Variants in UGT8 observed in about 807,000 individuals in gnomAD.
The protein encoded by UGT8 is UDP glycosyltransferase 8.
Under a neutral mutation model 40.5 loss-of-function variants are expected in UGT8, and 12 were observed. That is an observed-to-expected ratio of 0.30 (90% CI 0.19 to 0.48). The LOEUF is 0.48. Among genes scored for constraint, UGT8 ranks in the 20% least tolerant of loss-of-function variants. The pLI is 0.99. For missense variants in UGT8, 513 were observed against 648.7 expected (o/e 0.79, Z 2.27); for synonymous variants, 224 against 240.4 (o/e 0.93, Z 0.63).
At chr4:114,639,294 C>A (rs1398837515) in intron 2 of UGT8, among the ~76,000 whole-genome samples, 3 of 152,228 alleles carry the variant, frequency 2.0e-5, no homozygotes, top group Admixed American at 6.5e-5. Flanking sequence ...AGGACCTATT[C>A]CAGTCAGATA....
chr4:114,660,316 C>CA (rs1734436058), intron 2 of UGT8, among the ~76,000 whole-genome samples: 1 of 151,970 alleles, frequency 6.6e-6, no homozygotes, highest in Admixed American at 6.6e-5. Flanking sequence ...TAAATATCGA[C>CA]AGAGTCGATA....
At chr4:114,603,900 G>A (rs985788785) in intron 1 of UGT8, among the ~76,000 whole-genome samples, 1 of 152,156 alleles carries the variant, frequency 6.6e-6, no homozygotes, top group South Asian at 2.1e-4. Context: ...ACAAGTACTC[G>A]CTCTCAGAAT....
At chr4:114,601,730 C>T (rs1480138747) in intron 1 of UGT8, among the ~76,000 whole-genome samples, 1 of 151,860 alleles carries the variant, frequency 6.6e-6, no homozygotes, top group Non-Finnish European at 1.5e-5. Flanking sequence ...TAGTGCTATT[C>T]GCTGAGGTGT....
intron 1 of UGT8, among the ~76,000 whole-genome samples, chr4:114,604,912 C>CTT (rs796576135): frequency 1.3e-5 from 2 of 148,638 alleles, no homozygotes; most frequent in Non-Finnish European, 3.0e-5. Flanking sequence ...TGTTTCAGTG[C>CTT]TTTTTTTTTT....
At chr4:114,653,063 A>G (rs1307546011) in intron 2 of UGT8, among the ~76,000 whole-genome samples, 1 of 151,980 alleles carries the variant, frequency 6.6e-6, no homozygotes, top group Non-Finnish European at 1.5e-5. Context: ...TGGATCGTTG[A>G]CTTTGTTGCA....
intron 1 of UGT8, among the ~76,000 whole-genome samples, chr4:114,610,386 G>A (rs1052922926): frequency 1.3e-5 from 2 of 152,038 alleles, no homozygotes; most frequent in African/African-American, 2.4e-5. Context: ...CAAATATATT[G>A]TGTCAATGTT....
intron 2 of UGT8, among the ~76,000 whole-genome samples, chr4:114,630,217 C>A (rs1268462057): frequency 6.6e-6 from 1 of 152,170 alleles, no homozygotes; most frequent in African/African-American, 2.4e-5. Context: ...TGTATTTCAC[C>A]TTTCCAGGTA....
intron 2 of UGT8, among the ~76,000 whole-genome samples, chr4:114,660,765 C>T (rs1012464966): frequency 3.3e-5 from 5 of 151,736 alleles, no homozygotes; most frequent in African/African-American, 1.2e-4. Flanking sequence ...AGTGGGGGCA[C>T]CTGTAGTCCC....
At chr4:114,671,020 G>A (rs1237343436) in intron 5 of UGT8, among the ~76,000 whole-genome samples, 1 of 152,012 alleles carries the variant, frequency 6.6e-6, no homozygotes, top group Non-Finnish European at 1.5e-5. Context: ...CCAACAATAG[G>A]CAAGCAGAGA....
intron 2 of UGT8, among the ~76,000 whole-genome samples, chr4:114,644,783 T>C (rs1168304247): frequency 6.6e-6 from 1 of 152,186 alleles, no homozygotes. Context: ...GCCTCATATC[T>C]GCAGGGTGTG....
intron 5 of UGT8, among the ~76,000 whole-genome samples, chr4:114,670,391 A>ACTG (rs1344994830): frequency 1.6e-5 from 2 of 124,746 alleles, no homozygotes; most frequent in Non-Finnish European, 3.2e-5. Flanking sequence ...AGATTGCACC[A>ACTG]CTGCACTCCA....
At chr4:114,600,514 T>C (rs569927084) in intron 1 of UGT8, among the ~76,000 whole-genome samples, 1 of 152,364 alleles carries the variant, frequency 6.6e-6, no homozygotes, top group South Asian at 2.1e-4. Flanking sequence ...CTTTTCTTTT[T>C]TAAAAACTTT....
At chr4:114,634,381 G>A (rs1732761270) in intron 2 of UGT8, among the ~76,000 whole-genome samples, 1 of 152,198 alleles carries the variant, frequency 6.6e-6, no homozygotes, top group Non-Finnish European at 1.5e-5. Context: ...TACCTTCCAA[G>A]AGATTATAGT....
intron 4 of UGT8, 48 bp downstream of exon 4, chr4:114,665,804 A>T: frequency 6.7e-7 from 1 of 1,500,830 alleles, no homozygotes; most frequent in Non-Finnish European, 9.1e-7. Flanking sequence ...GGTTTTAATT[A>T]CATAAATGTG....
At chr4:114,651,547 G>A (rs1560697094) in intron 2 of UGT8, among the ~76,000 whole-genome samples, 1 of 152,002 alleles carries the variant, frequency 6.6e-6, no homozygotes, top group Non-Finnish European at 1.5e-5. Context: ...ACTGATAAGG[G>A]TTTTCCTCCT....
At position 114,676,362 on chromosome 4, in the gene UGT8, T is replaced by C; in HGVS notation, c.*74T>C. 1 of 1,268,744 alleles carries C rather than the reference T, an allele frequency of 7.9e-7. No homozygotes were observed. The highest frequency in any genetic ancestry group is 2.3e-5 in the East Asian group (1 of 42,798). 78.6% of individuals were successfully genotyped at this position (1,268,744 alleles called of 1,614,324 possible). On this transcript the variant is annotated 3_prime_UTR_variant, in exon 6 of 6. Transcript: ENST00000310836. ...TATTGCTATTATTTAGTCTAACAGC[T>C]ACTAAAAGTAAAACATCAGTAAACA...
chr4:114,616,288 C>T (rs1302916106), intron 1 of UGT8, among the ~76,000 whole-genome samples: 1 of 152,204 alleles, frequency 6.6e-6, no homozygotes, highest in Admixed American at 6.5e-5. Flanking sequence ...CCTACTCAAG[C>T]CTCGGCAGTG....
intron 1 of UGT8, among the ~76,000 whole-genome samples, chr4:114,618,106 T>C (rs1442052927): frequency 1.3e-5 from 2 of 152,156 alleles, no homozygotes; most frequent in African/African-American, 4.8e-5. Context: ...ACAAGTATTT[T>C]CTGATATTAA....
intron 1 of UGT8, among the ~76,000 whole-genome samples, chr4:114,608,425 T>C (rs751722538): frequency 6.6e-6 from 1 of 152,192 alleles, no homozygotes; most frequent in Non-Finnish European, 1.5e-5. Flanking sequence ...TAGTTTGTCA[T>C]GAGGCAATAA....
Sources: allele counts gnomAD v4.1 joint callset (sites outside exome capture counted in the v4.1 genomes callset), GRCh38; gene constraint gnomAD v4.1.1; transcripts MANE v1.5; gene names NCBI Gene and HGNC (gene_info 2026-07-23, HGNC 2026-07-21).